Variants in DCLK2 observed in about 807,000 individuals in gnomAD.
DCLK2 encodes the protein serine/threonine-protein kinase DCLK2.
A neutral mutation model predicts 78.4 loss-of-function variants in DCLK2; 31 were observed. The ratio of observed to expected loss-of-function variants is 0.40; its 90% CI spans 0.30 to 0.53. DCLK2 has a LOEUF of 0.53. DCLK2 is among the 20% of genes least tolerant of loss of function. DCLK2 has a pLI of 0.61. For missense variants in DCLK2, 872 were observed against 973.7 expected, an observed-to-expected ratio of 0.90 and a Z score of 1.39; for synonymous variants, 407 against 374.9, an observed-to-expected ratio of 1.09 and a Z score of -0.99.
intron 5 of DCLK2, chr4:150,209,641 T>A (rs1166310165): frequency 6.6e-6 from 1 of 152,246 alleles, no homozygotes; most frequent in Non-Finnish European, 1.5e-5. Flanking sequence ...AGACCTGAGC[T>A]CCCTCCCTCC....
At chr4:150,105,947 C>A (rs1376019876) in intron 2 of DCLK2, among the ~76,000 whole-genome samples, 1 of 151,912 alleles carries the variant, frequency 6.6e-6, no homozygotes, top group African/African-American at 2.4e-5. Context: ...GTTCTGATAT[C>A]CACTACTACT....
intron 14 of DCLK2, 28 bp downstream of exon 14, chr4:150,248,413 G>C (rs1424040993): frequency 6.3e-7 from 1 of 1,585,550 alleles, no homozygotes; most frequent in East Asian, 2.2e-5. Flanking sequence ...CAGGGAATGG[G>C]CCTCACTGTG....
chr4:150,136,888 G>C (rs1223690281), intron 2 of DCLK2, among the ~76,000 whole-genome samples: 5 of 151,660 alleles, frequency 3.3e-5, no homozygotes, highest in African/African-American at 1.2e-4. Flanking sequence ...CTGGTGTTGT[G>C]AAGTTGTGTG....
At chr4:150,212,699 C>G (rs968081583) in intron 5 of DCLK2, among the ~76,000 whole-genome samples, 1 of 152,192 alleles carries the variant, frequency 6.6e-6, no homozygotes, top group Non-Finnish European at 1.5e-5. Context: ...AAGTAAATGA[C>G]TCACCTGGGC....
At chr4:150,102,948 T>G (rs1270646957) in intron 2 of DCLK2, 136 bp downstream of exon 2, 2 of 789,076 alleles carry the variant, frequency 2.5e-6, no homozygotes, top group East Asian at 5.4e-5. Context: ...TGTGTGTGTG[T>G]GTGTATGTGT....
chr4:150,232,536 T>C, intron 9 of DCLK2, 80 bp downstream of exon 9: 2 of 1,558,078 alleles, frequency 1.3e-6, no homozygotes, highest in Non-Finnish European at 1.7e-6. Context: ...GAAAAGTGTA[T>C]TGCTACCTCA....
chr4:150,155,798 G>A (rs948257125), intron 2 of DCLK2, among the ~76,000 whole-genome samples: 2 of 152,102 alleles, frequency 1.3e-5, no homozygotes, highest in Non-Finnish European at 2.9e-5. Flanking sequence ...TGCACAAATG[G>A]GTGGATAGGG....
At chr4:150,246,491 A>C (rs1465681948) in intron 12 of DCLK2, among the ~76,000 whole-genome samples, 1 of 152,184 alleles carries the variant, frequency 6.6e-6, no homozygotes, top group Non-Finnish European at 1.5e-5. Flanking sequence ...GTTGGTAGCA[A>C]AACCCTGAAG....
rs1399758023 is a variant in DCLK2, at chr4:150,112,378, A to G, written c.756+9566A>G. On this transcript the variant is annotated intron_variant, in intron 2 of 15. Transcript: ENST00000296550. Reference sequence around the variant, plus strand: ...ATCTTTACAGTTTTCTAGGTATATGATAATATCATCAGCAAACTTAGATAG... The same window carrying G: ...ATCTTTACAGTTTTCTAGGTATATGGTAATATCATCAGCAAACTTAGATAG... Among the ~76,000 whole-genome samples, 9 of 152,298 alleles carry G rather than the reference A, an allele frequency of 5.9e-5. No individual in the cohort carries two copies. The East Asian group carries it at 1.7e-3, about 29-fold the overall frequency.
At chr4:150,254,913 A>G (rs1455231535) in intron 15 of DCLK2, among the ~76,000 whole-genome samples, 1 of 152,126 alleles carries the variant, frequency 6.6e-6, no homozygotes, top group Non-Finnish European at 1.5e-5. Context: ...CCTGACCTCA[A>G]GTGATCCTCC....
intron 8 of DCLK2, among the ~76,000 whole-genome samples, chr4:150,228,305 T>C (rs1640651669): frequency 6.6e-6 from 1 of 152,230 alleles, no homozygotes; most frequent in Non-Finnish European, 1.5e-5. Context: ...TTGCGTATAT[T>C]TATCACAGAA....
intron 4 of DCLK2, 88 bp downstream of exon 4, chr4:150,198,191 T>C (rs1006518555): frequency 1.6e-6 from 2 of 1,227,576 alleles, no homozygotes; most frequent in Admixed American, 5.3e-5. Flanking sequence ...TAGTAGTCTT[T>C]GCCAGGGTCG....
At chr4:150,190,895 C>T (rs1021481459) in intron 2 of DCLK2, among the ~76,000 whole-genome samples, 6 of 152,066 alleles carry the variant, frequency 3.9e-5, no homozygotes, top group African/African-American at 1.2e-4. Context: ...AGTTAGAGAG[C>T]AGCCTGGGCA....
At chr4:150,216,149 T>A (rs10471053) in intron 5 of DCLK2, among the ~76,000 whole-genome samples, 1 of 152,120 alleles carries the variant, frequency 6.6e-6, no homozygotes, top group Admixed American at 6.5e-5. Flanking sequence ...AATTTCAAAT[T>A]TGAAGAAATT....
intron 5 of DCLK2, among the ~76,000 whole-genome samples, chr4:150,208,871 A>G (rs568803750): frequency 1.5e-3 from 228 of 152,284 alleles, no homozygotes; most frequent in Non-Finnish European, 2.5e-3. Context: ...GGAAGACAGT[A>G]CTCAGTGGAG....
At chr4:150,095,311 C>T (rs568064989) in intron 1 of DCLK2, among the ~76,000 whole-genome samples, 32 of 152,284 alleles carry the variant, frequency 2.1e-4, no homozygotes, top group African/African-American at 4.8e-4. Flanking sequence ...ATGATTTTAC[C>T]GCCTATGAAG....
chr4:150,123,728 C>G (rs1732729899), intron 2 of DCLK2, among the ~76,000 whole-genome samples: 1 of 152,130 alleles, frequency 6.6e-6, no homozygotes, highest in Non-Finnish European at 1.5e-5. Flanking sequence ...CAGTAACCCT[C>G]TGCAGTTTTT....
chr4:150,187,683 G>A (rs1415136067), intron 2 of DCLK2, among the ~76,000 whole-genome samples: 1 of 152,118 alleles, frequency 6.6e-6, no homozygotes, highest in Admixed American at 6.5e-5. Context: ...ATAGTGCCTG[G>A]CACATAATGA....
Position 150,232,792 on chromosome 4 carries a change from C to T in DCLK2, c.1530C>T (p.Ser510=), listed in dbSNP as rs780970366. Residue 510 remains serine, a synonymous_variant, in exon 10 of 16, where the codon AGC becomes AGT. Transcript: ENST00000296550. ...CCCTCAGGTATCTCCATGGCCTCAG[C>T]ATCGTGCACAGAGACATCAAACCAG... ...ANALRYLHGL[S]IVHRDIKPEN... The T allele has an allele frequency of 1.2e-6, 2 of 1,614,116 alleles. No homozygotes were observed. The highest frequency in any genetic ancestry group is 1.7e-6 in the Non-Finnish European group (2 of 1,179,988).
Sources: gnomAD v4.1 joint callset for allele counts (sites outside exome capture counted in the v4.1 genomes callset) on GRCh38, gnomAD v4.1.1 for gene constraint, MANE v1.5 for transcripts, NCBI Gene and HGNC (gene_info 2026-07-23, HGNC 2026-07-21) for gene names.